CAMTA1: variants seen among roughly 807,000 people sequenced by gnomAD.
The protein encoded by CAMTA1 is calmodulin binding transcription activator 1, also known as calmodulin-binding transcription activator 1.
A neutral mutation model predicts 170.9 loss-of-function variants in CAMTA1; 27 were observed. The ratio of observed to expected loss-of-function variants is 0.16; its 90% CI spans 0.12 to 0.22. The LOEUF (loss-of-function observed/expected upper bound fraction) is 0.22, where lower values mean the gene tolerates loss of function less well. Ranked by LOEUF, CAMTA1 falls within the 10% of genes least tolerant of loss-of-function variation. CAMTA1 has a pLI of 1.00. For missense variants in CAMTA1, 1,619 were observed against 2,217.2 expected, an observed-to-expected ratio of 0.73 and a Z score of 5.42; for synonymous variants, 833 against 891.5, an observed-to-expected ratio of 0.93 and a Z score of 1.17.
rs1454251916 is a variant in CAMTA1 at position 6,863,864 on chromosome 1, C to T, written c.234+38654C>T. ...TTTCAGAATCCCATTCAGGATGCCACGTTACATCTAGTTGTCATATATCTT... is the reference window on the plus strand; with the variant it reads ...TTTCAGAATCCCATTCAGGATGCCATGTTACATCTAGTTGTCATATATCTT... On this transcript the variant is annotated intron_variant, in intron 3 of 22. Transcript: ENST00000303635. Among the ~76,000 whole-genome samples, 11 of 152,304 alleles carry T rather than the reference C, an allele frequency of 7.2e-5. No individual in the cohort carries two copies. In the East Asian group the frequency reaches 7.7e-4, roughly 11 times the overall value.
intron 5 of CAMTA1, among the ~76,000 whole-genome samples, chr1:7,413,638 A>G (rs1391726982): frequency 6.6e-6 from 1 of 152,210 alleles, no homozygotes; most frequent in African/African-American, 2.4e-5. Context: ...GTTGCTTATC[A>G]GCTTAAGGAG....
chr1:7,318,661 AGC>A (rs1557506294), intron 5 of CAMTA1, among the ~76,000 whole-genome samples: 1 of 152,200 alleles, frequency 6.6e-6, no homozygotes, highest in African/African-American at 2.4e-5. Context: ...TGGGTTCCTC[AGC>A]TATTTTGGAG....
chr1:7,387,737 CA>C (rs1341249736), intron 5 of CAMTA1, among the ~76,000 whole-genome samples: 2 of 152,188 alleles, frequency 1.3e-5, no homozygotes, highest in African/African-American at 4.8e-5. Context: ...GAGGTTATGA[CA>C]GGGAAAGAAT....
At chr1:7,584,580 T>C (rs6687621) in intron 6 of CAMTA1, among the ~76,000 whole-genome samples, 7,522 of 152,184 alleles carry the variant, frequency 0.049, 624 homozygotes, top group African/African-American at 0.17. Flanking sequence ...CAGAATTAAG[T>C]ACCCGCTCTG....
At chr1:7,519,347 C>T (rs984731960) in intron 6 of CAMTA1, among the ~76,000 whole-genome samples, 10 of 151,986 alleles carry the variant, frequency 6.6e-5, no homozygotes, top group Non-Finnish European at 1.2e-4. Flanking sequence ...CTCCTGCTCA[C>T]GGCAGCTCCA....
chr1:7,161,590 C>T (rs1647223197), intron 4 of CAMTA1, among the ~76,000 whole-genome samples: 1 of 152,216 alleles, frequency 6.6e-6, no homozygotes, highest in South Asian at 2.1e-4. Flanking sequence ...CAAGTTCTCT[C>T]TTTGCCTGCT....
In CAMTA1 at chr1:7,766,926, T is replaced by C. The variant is rs1007828203; in HGVS notation, c.*435T>C. ...GGCTATACTAGCAACAAAAAAAGAATGCTGTTCCTGCACCTGCCGGTTATT... is the reference window on the plus strand; with the variant it reads ...GGCTATACTAGCAACAAAAAAAGAACGCTGTTCCTGCACCTGCCGGTTATT... On this transcript the variant is annotated 3_prime_UTR_variant, in exon 23 of 23. Transcript: ENST00000303635. 6.4e-6 allele frequency: 1 copy of C among 156,178 alleles called. No homozygotes were observed. Among genetic ancestry groups the C allele is most frequent in the Non-Finnish European group, 1.4e-5 (1 of 70,380 alleles). The allele number at this position is 156,178 out of a possible 1,614,324, so 9.7% of individuals were successfully genotyped here.
chr1:7,509,294 G>A (rs1179266097), intron 6 of CAMTA1, among the ~76,000 whole-genome samples: 1 of 152,132 alleles, frequency 6.6e-6, no homozygotes, highest in Non-Finnish European at 1.5e-5. Context: ...CCATCCTCAC[G>A]CTAAAAATAC....
At chr1:6,818,255 T>TG (rs1646064235) in intron 1 of CAMTA1, among the ~76,000 whole-genome samples, 1 of 152,190 alleles carries the variant, frequency 6.6e-6, no homozygotes, top group African/African-American at 2.4e-5. Context: ...GAGAATCACT[T>TG]GAACCTGGGA....
chr1:6,882,692 A>G (rs935855479), intron 3 of CAMTA1, among the ~76,000 whole-genome samples: 23 of 151,964 alleles, frequency 1.5e-4, no homozygotes, highest in African/African-American at 5.3e-4. Context: ...CTTCAAGGAG[A>G]GGCTGAGGCT....
intron 6 of CAMTA1, among the ~76,000 whole-genome samples, chr1:7,621,957 C>T (rs1381943720): frequency 6.6e-6 from 1 of 152,222 alleles, no homozygotes; most frequent in African/African-American, 2.4e-5. Context: ...TCTGGGTGAC[C>T]TCGTGTGACC....
chr1:7,233,386 C>T lies in CAMTA1; in HGVS notation c.303-16105C>T, dbSNP rs183511798. ...CTGGGATGGGGCTTACGTGACCTGG[C>T]TGCACCAAGCAGCAGGAATGGCTGG... On this transcript the variant is annotated intron_variant, in intron 4 of 22. Transcript: ENST00000303635. Among the ~76,000 whole-genome samples the T allele has an allele frequency of 5.3e-5, 8 of 152,252 alleles. No individual in the cohort carries two copies. In the East Asian group the frequency reaches 1.5e-3, roughly 29 times the overall value.
intron 3 of CAMTA1, among the ~76,000 whole-genome samples, chr1:6,875,465 A>G (rs1241721959): frequency 1.3e-5 from 2 of 152,046 alleles, no homozygotes; most frequent in Non-Finnish European, 2.9e-5. Flanking sequence ...TTGTATTTTT[A>G]GTAGAAACGA....
intron 11 of CAMTA1, among the ~76,000 whole-genome samples, chr1:7,718,873 GA>G (rs1490075009): frequency 2.8e-3 from 159 of 56,084 alleles, no homozygotes; most frequent in African/African-American, 9.3e-3. Context: ...TTTTTTTAAA[GA>G]CCTCATTAGT....
intron 6 of CAMTA1, among the ~76,000 whole-genome samples, chr1:7,524,162 A>G (rs761113748): frequency 6.6e-6 from 1 of 152,192 alleles, no homozygotes. Flanking sequence ...AGATCGCACC[A>G]CTGCACTCCA....
chr1:7,340,716 GCATCCATCCATC>G (rs60556819), intron 5 of CAMTA1, among the ~76,000 whole-genome samples: 8,151 of 146,712 alleles, frequency 0.056, 593 homozygotes, highest in African/African-American at 0.17. Context: ...TTCCACCTGT[GCATCCATCCATC>G]CATCCATCCA....
chr1:7,564,047 C>G (rs2094999838), intron 6 of CAMTA1, among the ~76,000 whole-genome samples: 1 of 152,158 alleles, frequency 6.6e-6, no homozygotes, highest in Non-Finnish European at 1.5e-5. Flanking sequence ...TTTTAGAATT[C>G]AAATGAGGAG....
intron 18 of CAMTA1, among the ~76,000 whole-genome samples, chr1:7,747,023 T>G (rs989254873): frequency 2.6e-5 from 4 of 152,240 alleles, no homozygotes; most frequent in African/African-American, 7.2e-5. Context: ...ATAGAATTTT[T>G]AATTAAAGTT....
chr1:7,172,335 A>G (rs929157148), intron 4 of CAMTA1, among the ~76,000 whole-genome samples: 2 of 152,082 alleles, frequency 1.3e-5, no homozygotes, highest in Non-Finnish European at 2.9e-5. Context: ...TTTTTAGTAG[A>G]GACAGGGTTT....
Sources: allele counts gnomAD v4.1 joint callset (sites outside exome capture counted in the v4.1 genomes callset), GRCh38; gene constraint gnomAD v4.1.1; transcripts MANE v1.5; gene names NCBI Gene and HGNC (gene_info 2026-07-23, HGNC 2026-07-21).